Variants in ABCB10 observed in about 807,000 individuals in gnomAD.
The protein encoded by ABCB10 is ATP-binding cassette sub-family B member 10, mitochondrial.
A neutral mutation model predicts 65.4 loss-of-function variants in ABCB10; 54 were observed. The ratio of observed to expected loss-of-function variants is 0.83; its 90% confidence interval spans 0.66 to 1.04. ABCB10 has a LOEUF of 1.04. Ranked by LOEUF, ABCB10 falls within the 50% of genes least tolerant of loss-of-function variation. ABCB10 has a pLI of 0.00. For missense variants in ABCB10, 846 were observed against 976.6 expected, an observed-to-expected ratio of 0.87 and a Z score of 1.78; for synonymous variants, 418 against 406.5, an observed-to-expected ratio of 1.03 and a Z score of -0.34.
intron 7 of ABCB10, 90 bp from the exon 8 acceptor site, chr1:229,530,498 G>A (rs895451987): frequency 7.4e-7 from 1 of 1,356,926 alleles, no homozygotes; most frequent in Admixed American, 1.8e-5. Context: ...GGCTATGGAT[G>A]GGTGACTCCA....
intron 8 of ABCB10, among the ~76,000 whole-genome samples, chr1:229,529,810 T>G (rs1179117036): frequency 6.6e-6 from 1 of 152,092 alleles, no homozygotes; most frequent in Non-Finnish European, 1.5e-5. Flanking sequence ...GCACGCGCAC[T>G]GGCACACGGT....
At position 229,540,006 on chromosome 1, in the gene ABCB10, CGT is replaced by C. The variant is rs938867990; in HGVS notation, c.1204-417_1204-416del. Among the ~76,000 whole-genome samples, 17 of 152,296 alleles carry C rather than the reference CGT, an allele frequency of 1.1e-4. No individual in the cohort carries two copies. In the Middle Eastern group the frequency reaches 0.017, roughly 152 times the overall value. On this transcript the variant is annotated intron_variant, in intron 5 of 12. Coordinates refer to ENST00000344517, the MANE Select transcript of ABCB10 (RefSeq NM_012089.3). ...GTATGGCCTGCTTTTACCATGGTTA[CGT>C]GTGTGGTTGTCTTAGGTATAGGGGA...
rs764111897 is a variant in ABCB10, at chr1:229,542,306, A to G, written c.987T>C (p.Ala329=). Residue 329 remains alanine (A), a synonymous_variant, in exon 4 of 13, where the codon GCT becomes GCC. Coordinates refer to ENST00000344517, the MANE Select transcript of ABCB10 (RefSeq NM_012089.3). ...TCCGTAGATATCGCCCATAAATTACAGCAATGATTGACACTGGAGGCACCA... is the reference window on the plus strand; with the variant it reads ...TCCGTAGATATCGCCCATAAATTACGGCAATGATTGACACTGGAGGCACCA... ...LSVVPPVSII[A]VIYGRYLRKL... 1.9e-6 allele frequency: 3 copies of G among 1,614,158 alleles called. No individual in the cohort carries two copies. Among genetic ancestry groups the G allele is most frequent in the Admixed American group, 1.7e-5 (1 of 60,016 alleles).
intron 6 of ABCB10, among the ~76,000 whole-genome samples, 173 bp downstream of exon 6, chr1:229,539,283 G>A (rs1353521029): frequency 2.0e-5 from 3 of 152,192 alleles, no homozygotes; most frequent in African/African-American, 4.8e-5. Context: ...CTCACCTGCT[G>A]GGGAGGGTCA....
rs559755558 is a variant in ABCB10 at position 229,518,715 on chromosome 1, TTAGAG to T, written c.1985+121_1985+125del. 696 of 881,752 alleles carry T rather than the reference TTAGAG, an allele frequency of 7.9e-4. 4 individuals are homozygous for T. The African/African-American group carries it at 0.011, about 14-fold the overall frequency. The allele number at this position is 881,752 out of a possible 1,614,324, so 54.6% of individuals were successfully genotyped here. A position where few individuals can be genotyped will look rare whatever the true frequency, so the allele number is the denominator to read the frequency against. Reference sequence around the variant, plus strand: ...CATTATTAATTCAGCTTCCCTCACTTTAGAGTAAAGGGGGGAAAAAGGATTTTCAG... The same window carrying T: ...CATTATTAATTCAGCTTCCCTCACTTTAAAGGGGGGAAAAAGGATTTTCAG... On this transcript the variant is annotated intron_variant, in intron 12 of 12. Coordinates refer to ENST00000344517, the MANE Select transcript of ABCB10 (RefSeq NM_012089.3).
intron 10 of ABCB10, among the ~76,000 whole-genome samples, chr1:229,525,694 T>C (rs1188483866): frequency 6.6e-6 from 1 of 151,990 alleles, no homozygotes; most frequent in African/African-American, 2.4e-5. Flanking sequence ...TAGCTGGACG[T>C]GGTGGCAGGC....
intron 10 of ABCB10, among the ~76,000 whole-genome samples, chr1:229,524,208 T>A (rs898801676): frequency 6.6e-6 from 1 of 151,804 alleles, no homozygotes; most frequent in Non-Finnish European, 1.5e-5. Context: ...TCATTAAGGG[T>A]GGAGTGCAGT....
At chr1:229,555,135 C>T (rs1430056135) in intron 1 of ABCB10, among the ~76,000 whole-genome samples, 1 of 152,154 alleles carries the variant, frequency 6.6e-6, no homozygotes, top group Admixed American at 6.5e-5. Context: ...CCGCCGAAGC[C>T]CCCCACACAA....
intron 3 of ABCB10, among the ~76,000 whole-genome samples, 153 bp downstream of exon 3, chr1:229,547,346 C>T (rs1662993622): frequency 6.6e-6 from 1 of 152,188 alleles, no homozygotes; most frequent in Admixed American, 6.5e-5. Flanking sequence ...AGAGGCAATC[C>T]CCACGTTCCA....
chr1:229,551,505 C>A (rs928041295), intron 1 of ABCB10, among the ~76,000 whole-genome samples: 1 of 152,174 alleles, frequency 6.6e-6, no homozygotes. Flanking sequence ...TGAACTTTGG[C>A]AATGGAAGCA....
intron 7 of ABCB10, among the ~76,000 whole-genome samples, chr1:229,531,360 C>T (rs971804512): frequency 7.9e-5 from 12 of 152,176 alleles, no homozygotes; most frequent in Admixed American, 3.3e-4. Context: ...CTGCCCTTTG[C>T]GGTAACACCC....
At chr1:229,521,809 A>G (rs1046998605) in intron 10 of ABCB10, among the ~76,000 whole-genome samples, 174 bp from the exon 11 acceptor site, 9 of 152,216 alleles carry the variant, frequency 5.9e-5, no homozygotes, top group African/African-American at 2.2e-4. Context: ...CAATCCCAAA[A>G]TTAATAATTA....
At chr1:229,545,601 T>C (rs769728000) in intron 3 of ABCB10, among the ~76,000 whole-genome samples, 2 of 152,234 alleles carry the variant, frequency 1.3e-5, no homozygotes, top group Non-Finnish European at 2.9e-5. Flanking sequence ...CTGGAAAACT[T>C]GAGTATGTCA....
rs1662795455 is a variant in ABCB10, at chr1:229,539,590, G to A, written c.1205C>T (p.Thr402Ile). 3.7e-6 allele frequency: 6 copies of A among 1,612,532 alleles called. No individual in the cohort carries two copies. The Middle Eastern group carries it at 5.2e-4, about 139-fold the overall frequency. The change falls in exon 6 of 13, where the codon ACT becomes ATT. Residue 402 changes from threonine (T) to isoleucine (I), a missense_variant and splice_region_variant. Around this residue, in one of 2 missense-constraint regions of ABCB10, gnomAD observed 632 missense variants for 803.2 expected, o/e 0.79. Transcript: ENST00000344517. The stretch of plus-strand genomic sequence containing the variant: ...CACGATCAGGTTTCCGGAGAGCCCA[G>A]TCTGTCGAATGAAGAAAACACAGAA... ...AFARAGFFGA[T>I]GLSGNLIVLS...
chr1:229,558,469 C>A lies in ABCB10; in HGVS notation c.184G>T (p.Val62Phe), dbSNP rs1571807859. The A allele has an allele frequency of 2.4e-6, 3 of 1,231,912 alleles. No homozygotes were observed. The highest frequency in any genetic ancestry group is 3.0e-6 in the Non-Finnish European group (3 of 989,718). The allele number at this position is 1,231,912 out of a possible 1,614,324, so 76.3% of individuals were successfully genotyped here. Residue 62 changes from valine to phenylalanine, a missense_variant, in exon 1 of 13, where the codon GTT becomes TTT. Val to Phe is a conservative substitution (Grantham distance 50). Coordinates refer to ENST00000344517, the MANE Select transcript of ABCB10 (RefSeq NM_012089.3). Reference sequence around the variant, plus strand: ...CTCCTCCAGCGGCGCGCGGCTCCAACGCCCCAGAGCAGCGCGGGCCCCGCG... The same window carrying A: ...CTCCTCCAGCGGCGCGCGGCTCCAAAGCCCCAGAGCAGCGCGGGCCCCGCG... ...WGAGPALLWGVGAARRWRSGC... is the reference protein window; with the variant it reads ...WGAGPALLWGFGAARRWRSGC...
At chr1:229,523,738 G>A (rs1399860355) in intron 10 of ABCB10, among the ~76,000 whole-genome samples, 2 of 152,182 alleles carry the variant, frequency 1.3e-5, no homozygotes, top group Non-Finnish European at 2.9e-5. Flanking sequence ...AAACGGAACT[G>A]GAGGATCCTA....
intron 10 of ABCB10, among the ~76,000 whole-genome samples, chr1:229,522,771 G>A (rs1205200182): frequency 1.3e-5 from 2 of 152,196 alleles, no homozygotes; most frequent in African/African-American, 2.4e-5. Flanking sequence ...AGTTTCCAAA[G>A]AACACTTGAA....
At chr1:229,539,977 G>A (rs1057004097) in intron 5 of ABCB10, among the ~76,000 whole-genome samples, 1 of 152,190 alleles carries the variant, frequency 6.6e-6, no homozygotes, top group East Asian at 1.9e-4. Flanking sequence ...CTGGACTCCT[G>A]TATGTATGGC....
At position 229,516,790 on chromosome 1, in the gene ABCB10, G is replaced by A. The variant is rs1662185866; in HGVS notation, c.*1389C>T. ...TTTATAAAGAACACAAGTAGAGCTT[G>A]TTAAAAATGATTGTCACAGATGTAC... On this transcript the variant is annotated 3_prime_UTR_variant, in exon 13 of 13. Coordinates refer to ENST00000344517, the MANE Select transcript of ABCB10 (RefSeq NM_012089.3). The A allele has an allele frequency of 1.3e-5, 2 of 152,168 alleles. No individual in the cohort carries two copies. The highest frequency in any genetic ancestry group is 2.4e-5 in the African/African-American group (1 of 41,440). The allele number at this position is 152,168 out of a possible 1,614,324, so 9.4% of individuals were successfully genotyped here.
Sources: allele counts gnomAD v4.1 joint callset (sites outside exome capture counted in the v4.1 genomes callset), GRCh38; gene constraint gnomAD v4.1.1; regional missense constraint gnomAD v4.1.1; transcripts MANE v1.5; gene names NCBI Gene and HGNC (gene_info 2026-07-23, HGNC 2026-07-21).